Variants in AMPH observed in about 807,000 individuals in gnomAD.
The protein encoded by AMPH is amphiphysin (Stiff-Mann syndrome with breast cancer 128kD autoantigen).
A neutral mutation model predicts 99.1 loss-of-function variants in AMPH; 49 were observed. The observed-to-expected ratio is 0.49, with a 90% CI of 0.39 to 0.63. AMPH has a LOEUF of 0.63. Among genes scored for constraint, AMPH ranks in the 20% least tolerant of loss-of-function variants. The pLI, the probability that AMPH is intolerant of heterozygous loss-of-function variation, is 0.00. For missense variants in AMPH, 759 were observed against 863.4 expected (o/e 0.88, Z 1.52); for synonymous variants, 314 against 317.3 (o/e 0.99, Z 0.11).
At chr7:38,492,646 T>C (rs1192648586) in intron 4 of AMPH, among the ~76,000 whole-genome samples, 1 of 152,204 alleles carries the variant, frequency 6.6e-6, no homozygotes, top group African/African-American at 2.4e-5. Context: ...GAACATGCAG[T>C]ATTCAGTTTC....
At chr7:38,542,264 A>C (rs1184280483) in intron 1 of AMPH, among the ~76,000 whole-genome samples, 1 of 152,174 alleles carries the variant, frequency 6.6e-6, no homozygotes, top group Admixed American at 6.5e-5. Context: ...ATCCAGTGGA[A>C]GTCTGCTAAA....
intron 2 of AMPH, among the ~76,000 whole-genome samples, chr7:38,530,891 A>G (rs1336072921): frequency 2.0e-5 from 3 of 152,226 alleles, no homozygotes; most frequent in African/African-American, 7.2e-5. Flanking sequence ...CTGGATTTCT[A>G]AAATCCTTGC....
At chr7:38,603,110 G>T (rs1793307894) in intron 1 of AMPH, among the ~76,000 whole-genome samples, 1 of 152,018 alleles carries the variant, frequency 6.6e-6, no homozygotes, top group African/African-American at 2.4e-5. Context: ...GAGGTCAGGA[G>T]TTCAAGACCA....
chr7:38,500,921 T>C (rs922437630), intron 3 of AMPH, among the ~76,000 whole-genome samples: 1 of 152,194 alleles, frequency 6.6e-6, no homozygotes, highest in Non-Finnish European at 1.5e-5. Flanking sequence ...AAACAGGTAA[T>C]ATGCCTAAAA....
In AMPH at chr7:38,390,961, C is replaced by CAGAGAGAG. The variant is rs199667568; in HGVS notation, c.1878+779_1878+786dup. 1.2e-3 allele frequency among the ~76,000 whole-genome samples: 149 copies of CAGAGAGAG among 129,238 alleles called. 3 individuals are homozygous for CAGAGAGAG. In the Middle Eastern group the frequency reaches 0.012, roughly 11 times the overall value. The allele number at this position is 129,238 out of a possible 152,430, so 84.8% of individuals were successfully genotyped here. On this transcript the variant is annotated intron_variant, in intron 19 of 20. Transcript: ENST00000356264. Reference sequence around the variant, plus strand: ...ACTTTCTAATGGAGAGAGACAAAGACAGAGAGAGAGAGAGAGAGAGAGAGA... The same window carrying CAGAGAGAG: ...ACTTTCTAATGGAGAGAGACAAAGACAGAGAGAGAGAGAGAGAGAGAGAGAGAGAGAGA...
chr7:38,545,660 C>T (rs182900701), intron 1 of AMPH, among the ~76,000 whole-genome samples: 14 of 152,226 alleles, frequency 9.2e-5, no homozygotes, highest in Admixed American at 2.0e-4. Flanking sequence ...ACGGTACTTA[C>T]GTAACTTTTG....
At chr7:38,409,886 T>A (rs1785164022) in intron 17 of AMPH, among the ~76,000 whole-genome samples, 1 of 152,192 alleles carries the variant, frequency 6.6e-6, no homozygotes, top group African/African-American at 2.4e-5. Flanking sequence ...GTATTTAAAG[T>A]TTTAATTAGT....
intron 1 of AMPH, among the ~76,000 whole-genome samples, chr7:38,579,154 G>T (rs534396260): frequency 6.6e-6 from 1 of 152,338 alleles, no homozygotes; most frequent in African/African-American, 2.4e-5. Context: ...CAGATAGAAA[G>T]ACCACAAAAC....
intron 1 of AMPH, among the ~76,000 whole-genome samples, chr7:38,539,393 C>A (rs1790727991): frequency 6.7e-6 from 1 of 148,774 alleles, no homozygotes; most frequent in Non-Finnish European, 1.5e-5. Context: ...AGGAGCAATA[C>A]TTGACCCTGT....
At chr7:38,416,713 C>T (rs1226160334) in intron 17 of AMPH, among the ~76,000 whole-genome samples, 1 of 152,104 alleles carries the variant, frequency 6.6e-6, no homozygotes, top group Non-Finnish European at 1.5e-5. Flanking sequence ...AGTGAAAAAG[C>T]ACTGTCTGCA....
chr7:38,426,272 G>C (rs546185179), intron 15 of AMPH, among the ~76,000 whole-genome samples: 81 of 152,342 alleles, frequency 5.3e-4, no homozygotes, highest in African/African-American at 1.9e-3. Flanking sequence ...AGGAGCCTGA[G>C]AGCCATGTGG....
intron 1 of AMPH, among the ~76,000 whole-genome samples, chr7:38,557,979 C>T (rs999502719): frequency 6.6e-6 from 1 of 151,086 alleles, no homozygotes; most frequent in Non-Finnish European, 1.5e-5. Context: ...TGCACTCCAG[C>T]CCGGGTGATA....
At chr7:38,404,348 G>A (rs569786416) in intron 17 of AMPH, among the ~76,000 whole-genome samples, 3 of 152,140 alleles carry the variant, frequency 2.0e-5, no homozygotes, top group African/African-American at 7.2e-5. Context: ...ACTGGAGACT[G>A]AAGACCAAAT....
At chr7:38,575,674 C>G (rs1234393854) in intron 1 of AMPH, among the ~76,000 whole-genome samples, 1 of 152,184 alleles carries the variant, frequency 6.6e-6, no homozygotes, top group Non-Finnish European at 1.5e-5. Context: ...GAGGCCTCCC[C>G]AGCCATGCTG....
chr7:38,617,243 A>G (rs1196587981), intron 1 of AMPH, among the ~76,000 whole-genome samples: 1 of 152,236 alleles, frequency 6.6e-6, no homozygotes, highest in East Asian at 1.9e-4. Context: ...CATCTAATGT[A>G]CGTTGGAAAT....
chr7:38,619,914 G>A (rs1584314027), intron 1 of AMPH, among the ~76,000 whole-genome samples: 1 of 152,140 alleles, frequency 6.6e-6, no homozygotes, highest in East Asian at 1.9e-4. Context: ...AAAAAAGTAG[G>A]ATGTCTTACA....
At chr7:38,408,625 C>T (rs1156666107) in intron 17 of AMPH, among the ~76,000 whole-genome samples, 2 of 151,824 alleles carry the variant, frequency 1.3e-5, no homozygotes, top group Non-Finnish European at 2.9e-5. Context: ...GTGGTGGGTG[C>T]CTGTAGTCCC....
At chr7:38,586,587 A>C (rs1322771484) in intron 1 of AMPH, among the ~76,000 whole-genome samples, 1 of 152,182 alleles carries the variant, frequency 6.6e-6, no homozygotes, top group East Asian at 1.9e-4. Flanking sequence ...ACATTCATGT[A>C]AAAATACAAG....
chr7:38,593,645 A>G lies in AMPH; in HGVS notation c.69+37638T>C, dbSNP rs549064667. On this transcript the variant is annotated intron_variant, in intron 1 of 20. Coordinates refer to ENST00000356264, the MANE Select transcript of AMPH (RefSeq NM_001635.4). The stretch of plus-strand genomic sequence containing the variant: ...GCCACATTCGGTCCTGCTTTGATTC[A>G]CTTTCATTCGTTCATCAACAAACAT... Among the ~76,000 whole-genome samples the G allele has an allele frequency of 1.3e-3, 201 of 152,288 alleles. 2 individuals are homozygous for G. The highest frequency in any genetic ancestry group is 2.3e-3 in the Non-Finnish European group (158 of 68,014).
Sources: gnomAD v4.1 joint callset for allele counts (sites outside exome capture counted in the v4.1 genomes callset) on GRCh38, gnomAD v4.1.1 for gene constraint, MANE v1.5 for transcripts, NCBI Gene and HGNC (gene_info 2026-07-23, HGNC 2026-07-21) for gene names.